CDK2AP2: variants seen among roughly 807,000 people sequenced by gnomAD.
The protein encoded by CDK2AP2 is cyclin dependent kinase 2 associated protein 2.
CDK2AP2 carries 1 observed loss-of-function variant against 13.0 expected under a neutral mutation model. The observed-to-expected ratio is 0.08, with a 90% CI of 0.03 to 0.37. CDK2AP2 has a LOEUF of 0.37. Among genes scored for constraint, CDK2AP2 ranks in the 10% least tolerant of loss-of-function variants. CDK2AP2 has a pLI of 0.99. For synonymous variants in CDK2AP2, 76 were observed against 73.0 expected (o/e 1.04, Z -0.21); for missense variants, 129 against 175.8 (o/e 0.73, Z 1.50).
intron 2 of CDK2AP2, 47 bp downstream of exon 2, chr11:67,507,545 G>C: frequency 6.2e-7 from 1 of 1,613,636 alleles, no homozygotes; most frequent in Non-Finnish European, 8.5e-7. Context: ...CTGGCGGGGA[G>C]GGGGACTCCA....
chr11:67,506,929 G>A lies in CDK2AP2; in HGVS notation c.*16C>T. 6.4e-7 allele frequency: 1 copy of A among 1,551,110 alleles called. No homozygotes were observed. Among genetic ancestry groups the A allele is most frequent in the Non-Finnish European group, 8.7e-7 (1 of 1,146,346 alleles). ...TGGCCGGATAGGTCCAGACGCTGAG[G>A]CCGAGGCGCTTCCTGTTACGTGCGG... is the stretch of plus-strand genomic sequence containing the variant. On this transcript the variant is annotated 3_prime_UTR_variant, in exon 4 of 4. Coordinates refer to ENST00000301488, the MANE Select transcript of CDK2AP2 (RefSeq NM_005851.5).
At chr11:67,507,751 C>A in intron 1 of CDK2AP2, 62 bp from the exon 2 acceptor site, 2 of 1,592,424 alleles carry the variant, frequency 1.3e-6, no homozygotes, top group Non-Finnish European at 1.7e-6. Context: ...CCCAGCTTTT[C>A]CAAGCCCAGG....
In CDK2AP2 at chr11:67,506,861, T is replaced by A. The variant is rs1242747473; in HGVS notation, c.*84A>T. The A allele has an allele frequency of 2.5e-6, 3 of 1,189,344 alleles. No homozygotes were observed. The highest frequency in any genetic ancestry group is 3.6e-6 in the Non-Finnish European group (3 of 821,942). The allele number at this position is 1,189,344 out of a possible 1,614,324, so 73.7% of individuals were successfully genotyped here. On this transcript the variant is annotated 3_prime_UTR_variant, in exon 4 of 4. Transcript: ENST00000301488. ...AGGACAGGAAGCCCAGGATGGTTAG[T>A]GCAACTCGGGATGAAGGCCAGGGAG...
Position 67,507,656 on chromosome 11 carries a change from C to A in CDK2AP2, c.116G>T (p.Gly39Val). The A allele has an allele frequency of 6.2e-7, 1 of 1,613,296 alleles. No homozygotes were observed. Among genetic ancestry groups the A allele is most frequent in the Non-Finnish European group, 8.5e-7 (1 of 1,180,032 alleles). Residue 39 changes from glycine to valine, a missense_variant, in exon 2 of 4, where the codon GGA (glycine) becomes GTA (valine). Transcript: ENST00000301488. ...CAGCGGTCTGAAAGGAGCGCCGGCT[C>A]CTGGCACTGAGCCCGACGGCGACGG... is the stretch of plus-strand genomic sequence containing the variant. ...SVPSPSGSVP[G>V]AGAPFRPLFN...
Position 67,506,594 on chromosome 11 carries a change from G to C in CDK2AP2, c.*351C>G, listed in dbSNP as rs1866527833. On this transcript the variant is annotated 3_prime_UTR_variant, in exon 4 of 4. Transcript: ENST00000301488. ...GAGTCACTATGGCTCAGGACACAAG[G>C]CAGGGAGGTGCCAGGCCTGTGCCCC... The C allele has an allele frequency of 2.6e-6, 1 of 389,696 alleles. No individual in the cohort carries two copies. Among genetic ancestry groups the C allele is most frequent in the Admixed American group, 4.3e-5 (1 of 23,482 alleles). 24.1% of individuals were successfully genotyped at this position (389,696 alleles called of 1,614,324 possible). A position where few individuals can be genotyped will look rare whatever the true frequency, so the allele number is the denominator to read the frequency against.
intron 2 of CDK2AP2, 46 bp downstream of exon 2, chr11:67,507,546 G>A: frequency 6.2e-7 from 1 of 1,613,630 alleles, no homozygotes. Flanking sequence ...TGGCGGGGAG[G>A]GGGACTCCAG....
chr11:67,507,902 G>C (rs759442871), intron 1 of CDK2AP2, 99 bp downstream of exon 1: 2 of 1,545,460 alleles, frequency 1.3e-6, no homozygotes, highest in Non-Finnish European at 1.7e-6. Context: ...GAGGCTCAGC[G>C]AGGGTAGGCG....
chr11:67,507,486 T>C lies in CDK2AP2; in HGVS notation c.192A>G (p.Pro64=), dbSNP rs781479812. The C allele has an allele frequency of 6.6e-5, 106 of 1,613,648 alleles. No individual in the cohort carries two copies. The highest frequency in any genetic ancestry group is 7.5e-5 in the Non-Finnish European group (89 of 1,180,010). ...PSMGYVQAMK[P]PGAQGSQSTY... ...TGCTCTGGGAGCCCTGGGCGCCGGG[T>C]GGCTTCATCGCCTATGTCAAAAGAG... is the stretch of plus-strand genomic sequence containing the variant. The change falls in exon 3 of 4, where the codon CCA becomes CCG. Residue 64 remains proline (P), a synonymous_variant. Transcript: ENST00000301488.
In CDK2AP2 at chr11:67,507,612, G is replaced by A; in HGVS notation, c.160C>T (p.Pro54Ser). 6.2e-7 allele frequency: 1 copy of A among 1,613,588 alleles called. No homozygotes were observed. Among genetic ancestry groups the A allele is most frequent in the East Asian group, 2.2e-5 (1 of 44,892 alleles). Residue 54 changes from proline (P) to serine (S), a missense_variant, in exon 2 of 4, where the codon CCT (proline) becomes TCT (serine). By Grantham distance (74) the Pro-to-Ser change is moderately conservative (BLOSUM62 -1). Transcript: ENST00000301488. Reference protein sequence around the residue: ...FRPLFNDFGPPSMGYVQAMKP... With the variant: ...FRPLFNDFGPSSMGYVQAMKP... ...CTCACCTGCACGTAGCCCATGGAAGGCGGTCCAAAGTCGTTAAACAGCGGT... is the reference window on the plus strand; with the variant it reads ...CTCACCTGCACGTAGCCCATGGAAGACGGTCCAAAGTCGTTAAACAGCGGT...
chr11:67,507,139 T>G, intron 3 of CDK2AP2, 127 bp from the exon 4 acceptor site: 1 of 838,060 alleles, frequency 1.2e-6, no homozygotes, highest in Non-Finnish European at 1.9e-6. Context: ...GACGGCTAGA[T>G]GAAATTAGAG....
chr11:67,507,322 T>C lies in CDK2AP2; in HGVS notation c.313+43A>G, dbSNP rs765747315. ...TCCTTCCTTCCCTCATGAAGGATAGTCCAGTGTCGGTTTCCTGAGCAGGGC... is the reference window on the plus strand; with the variant it reads ...TCCTTCCTTCCCTCATGAAGGATAGCCCAGTGTCGGTTTCCTGAGCAGGGC... On this transcript the variant is annotated intron_variant, in intron 3 of 3. Coordinates refer to ENST00000301488, the MANE Select transcript of CDK2AP2 (RefSeq NM_005851.5). 1.7e-5 allele frequency: 28 copies of C among 1,610,742 alleles called. No homozygotes were observed. The African/African-American group carries it at 3.2e-4, about 18-fold the overall frequency.
In CDK2AP2 at chr11:67,506,774, CCTT is replaced by C; in HGVS notation, c.*168_*170del. 1.6e-6 allele frequency: 1 copy of C among 611,646 alleles called. No individual in the cohort carries two copies. The highest frequency in any genetic ancestry group is 2.9e-6 in the Non-Finnish European group (1 of 343,384). The allele number at this position is 611,646 out of a possible 1,614,324, so 37.9% of individuals were successfully genotyped here. On this transcript the variant is annotated 3_prime_UTR_variant, in exon 4 of 4. Coordinates refer to ENST00000301488, the MANE Select transcript of CDK2AP2 (RefSeq NM_005851.5). The stretch of plus-strand genomic sequence containing the variant: ...GCTAACTCTTGTTGTGGGGGGGTGT[CCTT>C]AGTGCTGCCACCTGGAGGGCCACTC...
chr11:67,507,911 C>A (rs765145798), intron 1 of CDK2AP2, 90 bp downstream of exon 1: 1 of 1,546,432 alleles, frequency 6.5e-7, no homozygotes, highest in Admixed American at 2.0e-5. Context: ...CGAGGGTAGG[C>A]GGCAGGCCCA....
chr11:67,507,759 A>C, intron 1 of CDK2AP2, 70 bp from the exon 2 acceptor site: 2 of 1,584,650 alleles, frequency 1.3e-6, no homozygotes, highest in South Asian at 2.3e-5. Flanking sequence ...TTCCAAGCCC[A>C]GGACCGGGTT....
chr11:67,508,058 C>T lies in CDK2AP2; in HGVS notation c.25G>A (p.Ala9Thr), dbSNP rs1430266158. The stretch of plus-strand genomic sequence containing the variant: ...CTGGAGCCAGGGGTGCTGCTGGGAG[C>T]AGGGGCGATGGGTTTGTAGGACATC... The part of the protein sequence containing the change: MSYKPIAP[A>T]PSSTPGSSTP... The change falls in exon 1 of 4, where the codon GCT (alanine) becomes ACT (threonine). Residue 9 changes from alanine (A) to threonine (T), a missense_variant. Coordinates refer to ENST00000301488, the MANE Select transcript of CDK2AP2 (RefSeq NM_005851.5). 1.5e-5 allele frequency: 23 copies of T among 1,515,766 alleles called. No homozygotes were observed. Among genetic ancestry groups the T allele is most frequent in the African/African-American group, 4.2e-5 (3 of 70,794 alleles). The allele number at this position is 1,515,766 out of a possible 1,614,324, so 93.9% of individuals were successfully genotyped here. A position where few individuals can be genotyped will look rare whatever the true frequency, so the allele number is the denominator to read the frequency against.
chr11:67,507,077 C>A, intron 3 of CDK2AP2, 65 bp from the exon 4 acceptor site: 1 of 1,143,054 alleles, frequency 8.7e-7, no homozygotes, highest in East Asian at 2.6e-5. Context: ...AGAGGAGGAC[C>A]CCTGCCTCCC....
rs918893603 is a variant in CDK2AP2, at chr11:67,506,821, C to A, written c.*124G>T. On this transcript the variant is annotated 3_prime_UTR_variant, in exon 4 of 4. Transcript: ENST00000301488. ...GCCACTCCTTGGTTCCTGGAGGGGA[C>A]CCACCAAGGGACACAGGACAGGAAG... is the stretch of plus-strand genomic sequence containing the variant. 119 of 775,390 alleles carry A rather than the reference C, an allele frequency of 1.5e-4. No individual in the cohort carries two copies. The highest frequency in any genetic ancestry group is 4.2e-6 in the Non-Finnish European group (2 of 472,050). The allele number at this position is 775,390 out of a possible 1,614,324, so 48.0% of individuals were successfully genotyped here. A position where few individuals can be genotyped will look rare whatever the true frequency, so the allele number is the denominator to read the frequency against.
In CDK2AP2 at chr11:67,508,088, A is replaced by C; in HGVS notation, c.-6T>G. 1.4e-6 allele frequency: 2 copies of C among 1,461,862 alleles called. No homozygotes were observed. The highest frequency in any genetic ancestry group is 3.1e-5 in the Admixed American group (1 of 32,718). The allele number at this position is 1,461,862 out of a possible 1,614,324, so 90.6% of individuals were successfully genotyped here. A position where few individuals can be genotyped will look rare whatever the true frequency, so the allele number is the denominator to read the frequency against. On this transcript the variant is annotated 5_prime_UTR_variant, in exon 1 of 4. Coordinates refer to ENST00000301488, the MANE Select transcript of CDK2AP2 (RefSeq NM_005851.5). ...GCGATGGGTTTGTAGGACATCCCCA[A>C]CTCCTGGGCGCGGCGGACGCCAGCC...
rs901324676 is a variant in CDK2AP2, at chr11:67,506,598, G to T, written c.*347C>A. 1 of 394,344 alleles carries T rather than the reference G, an allele frequency of 2.5e-6. No homozygotes were observed. Among genetic ancestry groups the T allele is most frequent in the South Asian group, 3.2e-5 (1 of 30,786 alleles). The allele number at this position is 394,344 out of a possible 1,614,324, so 24.4% of individuals were successfully genotyped here. A position where few individuals can be genotyped will look rare whatever the true frequency, so the allele number is the denominator to read the frequency against. Reference sequence around the variant, plus strand: ...CACTATGGCTCAGGACACAAGGCAGGGAGGTGCCAGGCCTGTGCCCCTGCT... The same window carrying T: ...CACTATGGCTCAGGACACAAGGCAGTGAGGTGCCAGGCCTGTGCCCCTGCT... On this transcript the variant is annotated 3_prime_UTR_variant, in exon 4 of 4. Transcript: ENST00000301488.
Sources: gnomAD v4.1 joint callset for allele counts on GRCh38, gnomAD v4.1.1 for gene constraint, MANE v1.5 for transcripts, NCBI Gene and HGNC (gene_info 2026-07-23, HGNC 2026-07-21) for gene names.